The following HAPLN1 variants were observed in gnomAD, a reference collection of about 807,000 sequenced individuals.
HAPLN1 encodes Cartilage link protein.
A neutral mutation model predicts 36.5 loss-of-function variants in HAPLN1; 13 were observed. The ratio of observed to expected loss-of-function variants is 0.36; its 90% CI spans 0.23 to 0.57. The LOEUF (loss-of-function observed/expected upper bound fraction) is 0.57, where lower values mean the gene tolerates loss of function less well. Ranked by LOEUF, HAPLN1 falls within the 20% of genes least tolerant of loss-of-function variation. The pLI, the probability that HAPLN1 is intolerant of heterozygous loss-of-function variation, is 0.83. For synonymous variants in HAPLN1, 202 were observed against 169.8 expected (o/e 1.19, Z -1.48); for missense variants, 407 against 439.7 (o/e 0.93, Z 0.66).
chr5:83,702,100 G>A (rs2112630247), intron 1 of HAPLN1, among the ~76,000 whole-genome samples: 1 of 152,304 alleles, frequency 6.6e-6, no homozygotes, highest in African/African-American at 2.4e-5. Context: ...CCATGTTTCA[G>A]GTGGGAGGGA....
chr5:83,713,651 G>C (rs1036351305), intron 1 of HAPLN1, among the ~76,000 whole-genome samples: 1 of 152,164 alleles, frequency 6.6e-6, no homozygotes, highest in Non-Finnish European at 1.5e-5. Flanking sequence ...TGGCTGTCCT[G>C]TTGGCACTTC....
At chr5:83,712,059 C>G (rs1248527707) in intron 1 of HAPLN1, among the ~76,000 whole-genome samples, 1 of 152,130 alleles carries the variant, frequency 6.6e-6, no homozygotes, top group Non-Finnish European at 1.5e-5. Context: ...GTTACTTTCT[C>G]TGTATTAAAT....
At chr5:83,688,000 A>G (rs1270764774) in intron 1 of HAPLN1, among the ~76,000 whole-genome samples, 1 of 152,156 alleles carries the variant, frequency 6.6e-6, no homozygotes, top group Non-Finnish European at 1.5e-5. Flanking sequence ...ATTTGCTTTC[A>G]TATCTGCCCA....
At chr5:83,657,819 A>C (rs868613433) in intron 2 of HAPLN1, among the ~76,000 whole-genome samples, 9 of 151,558 alleles carry the variant, frequency 5.9e-5, no homozygotes, top group Non-Finnish European at 8.8e-5. Context: ...AAAAAAAAAA[A>C]CCCAACTGGG....
chr5:83,664,458 C>T (rs1230401216), intron 2 of HAPLN1, among the ~76,000 whole-genome samples: 1 of 152,126 alleles, frequency 6.6e-6, no homozygotes, highest in Non-Finnish European at 1.5e-5. Context: ...TATCAGCTCA[C>T]TGCAATCTCC....
Position 83,707,498 on chromosome 5 carries a change from CAAT to C in HAPLN1, c.-27+13288_-27+13290del, listed in dbSNP as rs1304368527. ...AGCAATGGGGAAAAGACTCCCTATACAATAAGTGGTGCTGGGATTATTGGCTAG... is the reference window on the plus strand; with the variant it reads ...AGCAATGGGGAAAAGACTCCCTATACAAGTGGTGCTGGGATTATTGGCTAG... On this transcript the variant is annotated intron_variant, in intron 1 of 4. Coordinates refer to ENST00000274341, the MANE Select transcript of HAPLN1 (RefSeq NM_001884.4). 4.6e-5 allele frequency among the ~76,000 whole-genome samples: 7 copies of C among 152,254 alleles called. No individual in the cohort carries two copies. The South Asian group carries it at 1.2e-3, about 27-fold the overall frequency.
rs192074837 is a variant in HAPLN1, at chr5:83,675,075, C to T, written c.-26-1526G>A. On this transcript the variant is annotated intron_variant, in intron 1 of 4. Coordinates refer to ENST00000274341, the MANE Select transcript of HAPLN1 (RefSeq NM_001884.4). ...ATTTTCAGAAGTTCACTTCCTTGTT[C>T]CTCTAAGAACTTTTTTGAAATGCTT... Among the ~76,000 whole-genome samples, 5 of 152,202 alleles carry T rather than the reference C, an allele frequency of 3.3e-5. 1 individual carries two copies. The highest frequency in any genetic ancestry group is 7.4e-5 in the Non-Finnish European group (5 of 68,000).
At chr5:83,711,012 G>A (rs979428721) in intron 1 of HAPLN1, among the ~76,000 whole-genome samples, 6 of 151,996 alleles carry the variant, frequency 3.9e-5, no homozygotes, top group Non-Finnish European at 8.8e-5. Context: ...AGAGAGAATA[G>A]ATCTAATAAA....
chr5:83,695,004 C>T (rs1016958723), intron 1 of HAPLN1, among the ~76,000 whole-genome samples: 2 of 151,858 alleles, frequency 1.3e-5, no homozygotes, highest in Non-Finnish European at 2.9e-5. Context: ...CAAACATAAA[C>T]GTAAAAATTT....
At chr5:83,714,502 T>C (rs1268200302) in intron 1 of HAPLN1, among the ~76,000 whole-genome samples, 2 of 152,176 alleles carry the variant, frequency 1.3e-5, no homozygotes, top group African/African-American at 2.4e-5. Context: ...ATTTTCACTG[T>C]TTTCTTTTTT....
chr5:83,694,490 T>C (rs1408043189), intron 1 of HAPLN1, among the ~76,000 whole-genome samples: 1 of 151,836 alleles, frequency 6.6e-6, no homozygotes, highest in Non-Finnish European at 1.5e-5. Flanking sequence ...TCAATATAAT[T>C]CATAAATCTC....
At chr5:83,646,114 C>T (rs1749868078) in intron 3 of HAPLN1, among the ~76,000 whole-genome samples, 2 of 152,132 alleles carry the variant, frequency 1.3e-5, no homozygotes, top group Non-Finnish European at 2.9e-5. Context: ...AACACTCTGC[C>T]CATTTTCTTT....
chr5:83,647,756 A>G, intron 3 of HAPLN1, among the ~76,000 whole-genome samples: 1 of 152,222 alleles, frequency 6.6e-6, no homozygotes. Context: ...ATGTCAAAAT[A>G]TAATCAAAAG....
rs534254264 is a variant in HAPLN1, at chr5:83,639,757, A to G, written c.*1739T>C. On this transcript the variant is annotated 3_prime_UTR_variant, in exon 5 of 5. Coordinates refer to ENST00000274341, the MANE Select transcript of HAPLN1 (RefSeq NM_001884.4). ...CAGTTTGCATATCCAACCTAACTTA[A>G]AAATGTGCATACATAACATTGTCAT... 6.6e-6 allele frequency: 1 copy of G among 152,122 alleles called. No individual in the cohort carries two copies. The highest frequency in any genetic ancestry group is 1.5e-5 in the Non-Finnish European group (1 of 67,954). 9.4% of individuals were successfully genotyped at this position (152,122 alleles called of 1,614,324 possible).
rs184886038 is a variant in HAPLN1 at position 83,690,179 on chromosome 5, C to A, written c.-26-16630G>T. ...TTTGTGCTGGATATAATGCAAAGGA[C>A]AATGTTAAATTCTGAAAATACCCTA... On this transcript the variant is annotated intron_variant, in intron 1 of 4. Coordinates refer to ENST00000274341, the MANE Select transcript of HAPLN1 (RefSeq NM_001884.4). 3.3e-5 allele frequency among the ~76,000 whole-genome samples: 5 copies of A among 152,126 alleles called. No homozygotes were observed. The East Asian group carries it at 9.7e-4, about 29-fold the overall frequency.
chr5:83,661,589 C>T (rs1750393293), intron 2 of HAPLN1, among the ~76,000 whole-genome samples: 1 of 151,800 alleles, frequency 6.6e-6, no homozygotes, highest in Non-Finnish European at 1.5e-5. Context: ...GGACTACAGG[C>T]GTCTGCCACC....
intron 2 of HAPLN1, among the ~76,000 whole-genome samples, chr5:83,671,238 A>G (rs1195676111): frequency 6.6e-6 from 1 of 152,198 alleles, no homozygotes; most frequent in Non-Finnish European, 1.5e-5. Flanking sequence ...TTGGAGTACA[A>G]AAATAGAAAT....
intron 2 of HAPLN1, among the ~76,000 whole-genome samples, chr5:83,664,709 T>C (rs1750507252): frequency 6.6e-6 from 1 of 152,190 alleles, no homozygotes; most frequent in Admixed American, 6.5e-5. Context: ...TTATTATTTA[T>C]ATGTAATTTT....
rs372010729 is a variant in HAPLN1 at position 83,713,263 on chromosome 5, C to T, written c.-27+7526G>A. ...AATCTGTCATTAGAGCTTCAAGGCA[C>T]GGAAATACCATTTTAATTTCCTTTA... On this transcript the variant is annotated intron_variant, in intron 1 of 4. Transcript: ENST00000274341. 5.1e-4 allele frequency among the ~76,000 whole-genome samples: 77 copies of T among 152,194 alleles called. 1 individual carries two copies. In the South Asian group the frequency reaches 0.012, roughly 24 times the overall value.
Sources: allele counts gnomAD v4.1 joint callset (sites outside exome capture counted in the v4.1 genomes callset), GRCh38; gene constraint gnomAD v4.1.1; transcripts MANE v1.5; gene names NCBI Gene and HGNC (gene_info 2026-07-23, HGNC 2026-07-21).